The following USP7 variants were observed in gnomAD, a reference collection of about 807,000 sequenced individuals.
USP7 encodes ubiquitin specific peptidase 7, also known as ubiquitin C-terminal hydrolase 7.
Under a neutral mutation model 162.9 loss-of-function variants are expected in USP7, and 9 were observed. That is an observed-to-expected ratio of 0.06 (90% CI 0.03 to 0.10). The LOEUF is 0.10. Among genes scored for constraint, USP7 ranks in the 10% least tolerant of loss-of-function variants. The probability of loss-of-function intolerance (pLI) is 1.00; values close to 1 mark genes in which losing one functional copy is unlikely to be tolerated. For missense variants in USP7, 715 were observed against 1,373.7 expected (o/e 0.52, Z 7.58); for synonymous variants, 562 against 475.9 (o/e 1.18, Z -2.35).
chr16:8,951,790 T>A (rs1899565786), intron 1 of USP7, among the ~76,000 whole-genome samples: 2 of 152,240 alleles, frequency 1.3e-5, no homozygotes, highest in Admixed American at 6.5e-5. Context: ...AATGATTCAT[T>A]CAGCTCAGGA....
intron 5 of USP7, among the ~76,000 whole-genome samples, chr16:8,919,359 C>T (rs1897551563): frequency 6.6e-6 from 1 of 151,930 alleles, no homozygotes; most frequent in Admixed American, 6.6e-5. Flanking sequence ...GAAGCACCTG[C>T]CTGCTGACAG....
intron 1 of USP7, chr16:8,949,794 AGCCCCCAGG>A (rs1192813388): frequency 6.6e-6 from 1 of 152,180 alleles, no homozygotes; most frequent in Non-Finnish European, 1.5e-5. Context: ...TTCCCCTCCA[AGCCCCCAGG>A]GCCTGAAGCA....
At chr16:8,954,304 G>C (rs939570958) in intron 1 of USP7, among the ~76,000 whole-genome samples, 1 of 152,174 alleles carries the variant, frequency 6.6e-6, no homozygotes, top group Non-Finnish European at 1.5e-5. Context: ...GAACCTAAAG[G>C]AAATGGAGAT....
chr16:8,960,658 T>C (rs1027218170), intron 1 of USP7, among the ~76,000 whole-genome samples: 3 of 152,162 alleles, frequency 2.0e-5, no homozygotes, highest in African/African-American at 7.2e-5. Flanking sequence ...AGGTGCCAAG[T>C]CTCTAGCTCT....
Position 8,904,478 on chromosome 16 carries a change from T to C in USP7, c.1661A>G (p.Lys554Arg). 1 of 1,614,190 alleles carries C rather than the reference T, an allele frequency of 6.2e-7. No individual in the cohort carries two copies. Residue 554 changes from lysine (K) to arginine (R), a missense_variant, in exon 15 of 31, where the codon AAG (lysine) becomes AGG (arginine). This residue lies in a region of USP7 where 197 missense variants were observed against 306.5 expected (regional missense o/e 0.64). Coordinates refer to ENST00000344836, the MANE Select transcript of USP7 (RefSeq NM_003470.3). The part of the protein sequence containing the change: ...LQEEKRIEAQ[K>R]RKERQEAHLY... The stretch of plus-strand genomic sequence containing the variant: ...ATGGGCTTCCTGCCGCTCCTTCCGC[T>C]TCTGAGCCTCGATCCTTTTCTCTTC...
intron 1 of USP7, among the ~76,000 whole-genome samples, chr16:8,932,101 A>G (rs958263882): frequency 2.0e-5 from 3 of 152,190 alleles, no homozygotes; most frequent in Non-Finnish European, 4.4e-5. Flanking sequence ...CGCTTAGATT[A>G]CATCATAAAC....
Position 8,918,032 on chromosome 16 carries a change from C to A in USP7, c.721-876G>T, listed in dbSNP as rs1301339569. 2.6e-5 allele frequency among the ~76,000 whole-genome samples: 4 copies of A among 151,060 alleles called. No homozygotes were observed. The East Asian group carries it at 7.9e-4, about 30-fold the overall frequency. On this transcript the variant is annotated intron_variant, in intron 6 of 30. Transcript: ENST00000344836. Reference sequence around the variant, plus strand: ...GTCTCGATCTGCTGACCTCATGATCCGCCCGCCTCGGCCTCCCAAAGTGCT... The same window carrying A: ...GTCTCGATCTGCTGACCTCATGATCAGCCCGCCTCGGCCTCCCAAAGTGCT...
chr16:8,960,454 G>C (rs572973094), intron 1 of USP7, among the ~76,000 whole-genome samples: 1 of 152,202 alleles, frequency 6.6e-6, no homozygotes, highest in Non-Finnish European at 1.5e-5. Flanking sequence ...ATGTGAGGCC[G>C]GAGAGCAAAC....
At chr16:8,925,353 G>C (rs1177038844) in intron 2 of USP7, among the ~76,000 whole-genome samples, 1 of 152,120 alleles carries the variant, frequency 6.6e-6, no homozygotes, top group Non-Finnish European at 1.5e-5. Context: ...CATGTATACA[G>C]AACTGCACAG....
intron 1 of USP7, among the ~76,000 whole-genome samples, chr16:8,939,916 G>A (rs142422494): frequency 3.3e-5 from 5 of 152,280 alleles, no homozygotes; most frequent in South Asian, 2.1e-4. Flanking sequence ...TGGCTAACAC[G>A]GTGAAACCCC....
At chr16:8,954,883 C>T (rs571126196) in intron 1 of USP7, among the ~76,000 whole-genome samples, 2 of 152,188 alleles carry the variant, frequency 1.3e-5, no homozygotes, top group African/African-American at 4.8e-5. Context: ...TGGTGTGAAC[C>T]CGGGAGGCAG....
intron 1 of USP7, among the ~76,000 whole-genome samples, chr16:8,954,753 G>C (rs1899714921): frequency 6.6e-6 from 1 of 152,136 alleles, no homozygotes; most frequent in Non-Finnish European, 1.5e-5. Context: ...GAGGTGGGTG[G>C]ATCAGGAGAT....
chr16:8,931,351 G>A (rs1366450091), intron 1 of USP7, among the ~76,000 whole-genome samples: 1 of 152,120 alleles, frequency 6.6e-6, no homozygotes, highest in African/African-American at 2.4e-5. Flanking sequence ...ACCACGCCCA[G>A]CTAATTTTGT....
At chr16:8,895,411 C>T (rs944368942) in intron 27 of USP7, among the ~76,000 whole-genome samples, 1 of 152,200 alleles carries the variant, frequency 6.6e-6, no homozygotes, top group Non-Finnish European at 1.5e-5. Flanking sequence ...GAAATGTCAA[C>T]AGCTCTAAAT....
intron 1 of USP7, among the ~76,000 whole-genome samples, chr16:8,939,001 T>A (rs1251064922): frequency 6.6e-6 from 1 of 151,970 alleles, no homozygotes; most frequent in Non-Finnish European, 1.5e-5. Context: ...CAGGGAGAGA[T>A]CCCATACCCT....
At chr16:8,931,177 T>A (rs559228683) in intron 1 of USP7, among the ~76,000 whole-genome samples, 2 of 151,832 alleles carry the variant, frequency 1.3e-5, no homozygotes, top group Non-Finnish European at 2.9e-5. Context: ...GTTTTCATCA[T>A]GAACACATGC....
intron 1 of USP7, among the ~76,000 whole-genome samples, chr16:8,953,137 C>T (rs1283036242): frequency 6.6e-6 from 1 of 152,048 alleles, no homozygotes; most frequent in African/African-American, 2.4e-5. Context: ...CCTGGCCTCA[C>T]CACCTCTTTT....
chr16:8,920,490 A>T, intron 4 of USP7, 43 bp from the exon 5 acceptor site: 1 of 1,528,818 alleles, frequency 6.5e-7, no homozygotes, highest in Non-Finnish European at 9.0e-7. Flanking sequence ...ATAAGAACAC[A>T]CATTTTATTC....
intron 6 of USP7, 86 bp downstream of exon 6, chr16:8,918,945 C>G: frequency 7.4e-7 from 1 of 1,350,908 alleles, no homozygotes; most frequent in Non-Finnish European, 1.1e-6. Context: ...AGGGAGACGC[C>G]ATGTTTGTTG....
Sources: allele counts gnomAD v4.1 joint callset (sites outside exome capture counted in the v4.1 genomes callset), GRCh38; gene constraint gnomAD v4.1.1; regional missense constraint gnomAD v4.1.1; transcripts MANE v1.5; gene names NCBI Gene and HGNC (gene_info 2026-07-23, HGNC 2026-07-21).